Variants in TENM2 observed in about 807,000 individuals in gnomAD.
TENM2 encodes teneurin-2.
A neutral mutation model predicts 245.2 loss-of-function variants in TENM2; 52 were observed. That is an observed-to-expected ratio of 0.21 (90% confidence interval 0.17 to 0.27). The LOEUF is 0.27. Among genes scored for constraint, TENM2 ranks in the 10% least tolerant of loss-of-function variants. The probability of loss-of-function intolerance (pLI) is 1.00; values close to 1 mark genes in which losing one functional copy is unlikely to be tolerated. For missense variants in TENM2, 3,046 were observed against 3,666.8 expected (o/e 0.83, Z 4.37); for synonymous variants, 1,363 against 1,438.9 (o/e 0.95, Z 1.19).
In TENM2 at chr5:167,515,316, T is replaced by A. The variant is rs111555164; in HGVS notation, c.502+139843T>A. ...GCATGTAGACTGCAAGTAGAGTATA[T>A]ATGTAAGTGTCTTTGCAAGGCAAAT... On this transcript the variant is annotated intron_variant, in intron 2 of 28. Transcript: ENST00000518659. Among the ~76,000 whole-genome samples the A allele has an allele frequency of 4.5e-3, 682 of 152,250 alleles. 9 individuals carry two copies. The highest frequency in any genetic ancestry group is 0.016 in the African/African-American group (651 of 41,542).
chr5:167,302,679 G>T (rs1198744062), intron 1 of TENM2, among the ~76,000 whole-genome samples: 5 of 151,722 alleles, frequency 3.3e-5, no homozygotes, highest in African/African-American at 9.7e-5. Flanking sequence ...TTGCACCCTA[G>T]AAAAGTGGTA....
intron 7 of TENM2, among the ~76,000 whole-genome samples, chr5:168,070,632 A>AT (rs1790906450): frequency 6.6e-6 from 1 of 150,936 alleles, no homozygotes; most frequent in Non-Finnish European, 1.5e-5. Context: ...AAAAAAAAAA[A>AT]AAATTAATTA....
At chr5:167,639,744 A>C (rs990479058) in intron 2 of TENM2, among the ~76,000 whole-genome samples, 3 of 152,132 alleles carry the variant, frequency 2.0e-5, no homozygotes, top group African/African-American at 7.2e-5. Context: ...AAAAAAACCC[A>C]TCACTCTCTT....
intron 2 of TENM2, among the ~76,000 whole-genome samples, chr5:167,702,175 C>T (rs1318036884): frequency 1.3e-5 from 2 of 152,190 alleles, no homozygotes; most frequent in Admixed American, 1.3e-4. Context: ...AATATAATAA[C>T]TGATGACATG....
intron 2 of TENM2, among the ~76,000 whole-genome samples, chr5:167,418,790 A>G (rs193240844): frequency 7.4e-4 from 113 of 152,290 alleles, no homozygotes; most frequent in African/African-American, 2.6e-3. Flanking sequence ...TATTTTGAAA[A>G]GCCAAGGATG....
intron 2 of TENM2, among the ~76,000 whole-genome samples, chr5:167,739,617 G>A (rs989481939): frequency 6.6e-6 from 1 of 152,120 alleles, no homozygotes; most frequent in Admixed American, 6.5e-5. Context: ...TCCTGTCTTG[G>A]TGATGACGGA....
intron 1 of TENM2, among the ~76,000 whole-genome samples, chr5:167,353,324 GGGGGGTGGT>G (rs1387221995): frequency 2.1e-5 from 3 of 145,558 alleles, no homozygotes; most frequent in Non-Finnish European, 4.4e-5. Flanking sequence ...GTAATGTGCA[GGGGGGTGGT>G]GGGGGTGCAG....
the TENM2 span, among the ~76,000 whole-genome samples, chr5:167,097,216 G>T: frequency 1.4e-4 from 21 of 152,082 alleles, no homozygotes; most frequent in African/African-American, 5.1e-4. Flanking sequence ...TTTTAAAGAC[G>T]ATTTGATCGA....
intron 4 of TENM2, among the ~76,000 whole-genome samples, chr5:167,963,814 G>C (rs1781191235): frequency 3.9e-5 from 6 of 152,046 alleles, no homozygotes; most frequent in Admixed American, 3.9e-4. Context: ...GAGTACATTG[G>C]AGGGGCTGAT....
chr5:167,267,379 A>G, the TENM2 span, among the ~76,000 whole-genome samples: 1 of 152,160 alleles, frequency 6.6e-6, no homozygotes, highest in East Asian at 1.9e-4. Flanking sequence ...TTGCCCCACA[A>G]GAGTGGCCCC....
intron 5 of TENM2, among the ~76,000 whole-genome samples, chr5:168,030,375 A>G (rs1226113582): frequency 6.6e-6 from 1 of 151,878 alleles, no homozygotes; most frequent in African/African-American, 2.4e-5. Context: ...GTTCTCTTTC[A>G]TTAATTGCTG....
At chr5:167,743,602 C>T (rs1012639302) in intron 2 of TENM2, among the ~76,000 whole-genome samples, 1 of 152,036 alleles carries the variant, frequency 6.6e-6, no homozygotes, top group Non-Finnish European at 1.5e-5. Context: ...ACGGCTCAGC[C>T]TCATCAGGAA....
chr5:167,871,612 G>A (rs1032322044), intron 2 of TENM2, among the ~76,000 whole-genome samples: 1 of 152,156 alleles, frequency 6.6e-6, no homozygotes, highest in Admixed American at 6.5e-5. Context: ...AAGACCATAT[G>A]AGTTTAATGA....
intron 2 of TENM2, among the ~76,000 whole-genome samples, chr5:167,499,015 C>T (rs1769003689): frequency 6.6e-6 from 1 of 152,078 alleles, no homozygotes; most frequent in Admixed American, 6.6e-5. Flanking sequence ...TATGCCATAG[C>T]TACTAGAATC....
At chr5:168,033,115 A>C (rs546279898) in intron 5 of TENM2, 3 of 152,304 alleles carry the variant, frequency 2.0e-5, no homozygotes, top group South Asian at 4.1e-4. Flanking sequence ...CATGTATAAC[A>C]ACTCATGGGT....
intron 5 of TENM2, among the ~76,000 whole-genome samples, chr5:168,032,555 TC>T (rs1439121197): frequency 3.9e-5 from 6 of 152,262 alleles, no homozygotes; most frequent in Middle Eastern, 3.4e-3. Flanking sequence ...GCAGGAAACC[TC>T]AAAGCGAGAA....
intron 5 of TENM2, among the ~76,000 whole-genome samples, chr5:167,996,589 CA>C (rs1308448625): frequency 5.3e-5 from 8 of 152,066 alleles, no homozygotes; most frequent in African/African-American, 1.9e-4. Flanking sequence ...ATCATGTAAC[CA>C]AAGTATTTTA....
chr5:167,654,706 G>A (rs1268866455), intron 2 of TENM2, among the ~76,000 whole-genome samples: 2 of 151,928 alleles, frequency 1.3e-5, no homozygotes, highest in Non-Finnish European at 2.9e-5. Flanking sequence ...TTCCCAGCAA[G>A]AAGACAAACT....
intron 2 of TENM2, among the ~76,000 whole-genome samples, chr5:167,420,144 G>A (rs948639850): frequency 6.6e-6 from 1 of 152,232 alleles, no homozygotes; most frequent in African/African-American, 2.4e-5. Flanking sequence ...CCAGATGCAG[G>A]AGTAGTTTGC....
Sources: allele counts gnomAD v4.1 joint callset (sites outside exome capture counted in the v4.1 genomes callset), GRCh38; gene constraint gnomAD v4.1.1; transcripts MANE v1.5; gene names NCBI Gene and HGNC (gene_info 2026-07-23, HGNC 2026-07-21).